AGBL4: variants seen among roughly 807,000 people sequenced by gnomAD.
AGBL4 encodes cytosolic carboxypeptidase 6.
Under a neutral mutation model 66.4 loss-of-function variants are expected in AGBL4, and 58 were observed. The observed-to-expected ratio is 0.87, with a 90% confidence interval of 0.71 to 1.09. The LOEUF is 1.09. Among genes scored for constraint, AGBL4 ranks in the 50% least tolerant of loss-of-function variants. AGBL4 has a pLI of 0.00. For synonymous variants in AGBL4, 234 were observed against 222.9 expected (o/e 1.05, Z -0.44); for missense variants, 579 against 631.0 (o/e 0.92, Z 0.88).
chr1:49,950,735 G>A (rs1656082243), intron 1 of AGBL4, among the ~76,000 whole-genome samples: 1 of 151,572 alleles, frequency 6.6e-6, no homozygotes, highest in African/African-American at 2.4e-5. Flanking sequence ...CCCTGGCAAG[G>A]GTATCCAAAA....
At chr1:49,968,918 A>G (rs1329732312) in intron 1 of AGBL4, among the ~76,000 whole-genome samples, 1 of 152,228 alleles carries the variant, frequency 6.6e-6, no homozygotes, top group Non-Finnish European at 1.5e-5. Flanking sequence ...ATTAGAGAGA[A>G]ATAAATGTGT....
intron 1 of AGBL4, among the ~76,000 whole-genome samples, chr1:49,859,787 A>G (rs1201830077): frequency 6.6e-6 from 1 of 152,106 alleles, no homozygotes; most frequent in African/African-American, 2.4e-5. Context: ...AAAGAAATTA[A>G]AGCTGTACAT....
intron 3 of AGBL4, among the ~76,000 whole-genome samples, chr1:49,588,990 T>C (rs1234158647): frequency 6.6e-6 from 1 of 152,136 alleles, no homozygotes; most frequent in Non-Finnish European, 1.5e-5. Context: ...GGATGCAAGG[T>C]AAATTCTAGT....
intron 9 of AGBL4, among the ~76,000 whole-genome samples, chr1:48,620,606 C>A (rs1238322928): frequency 1.3e-5 from 2 of 152,070 alleles, no homozygotes; most frequent in African/African-American, 4.8e-5. Context: ...TTTCAATAAC[C>A]AGAGCTACAG....
At chr1:49,432,610 C>T (rs568425101) in intron 3 of AGBL4, among the ~76,000 whole-genome samples, 289 of 152,122 alleles carry the variant, frequency 1.9e-3, no homozygotes, top group Non-Finnish European at 3.4e-3. Context: ...TCATACTATA[C>T]ATCTATTTTA....
chr1:49,149,815 A>C (rs1294577948), intron 4 of AGBL4, among the ~76,000 whole-genome samples: 1 of 152,220 alleles, frequency 6.6e-6, no homozygotes, highest in African/African-American at 2.4e-5. Context: ...AAAGCCATGC[A>C]TTGTGAGTAA....
chr1:48,573,321 G>C (rs975522149), intron 11 of AGBL4, among the ~76,000 whole-genome samples: 70 of 152,220 alleles, frequency 4.6e-4, no homozygotes, highest in African/African-American at 1.6e-3. Flanking sequence ...TGAAGTGTCA[G>C]CTGTCTACAT....
intron 3 of AGBL4, among the ~76,000 whole-genome samples, chr1:49,266,631 G>A (rs879862718): frequency 8.7e-5 from 9 of 103,974 alleles, no homozygotes; most frequent in South Asian, 5.8e-4. Context: ...ACACACACAC[G>A]CGAAGGTAGA....
At chr1:49,735,290 T>G (rs1341874008) in intron 2 of AGBL4, among the ~76,000 whole-genome samples, 2 of 111,508 alleles carry the variant, frequency 1.8e-5, no homozygotes, top group Non-Finnish European at 3.4e-5. Flanking sequence ...GAGGTAGAGG[T>G]GTGTGGGTGT....
chr1:49,965,911 A>T (rs944176139), intron 1 of AGBL4, among the ~76,000 whole-genome samples: 5 of 151,992 alleles, frequency 3.3e-5, no homozygotes, highest in Non-Finnish European at 7.4e-5. Context: ...TAATAATTCA[A>T]CCAGAGCCCC....
intron 2 of AGBL4, among the ~76,000 whole-genome samples, chr1:49,774,785 CTGT>C (rs983802679): frequency 8.5e-5 from 13 of 152,110 alleles, no homozygotes; most frequent in Non-Finnish European, 2.9e-5. Context: ...TTCTCATTAA[CTGT>C]TGTTAAGAGT....
intron 11 of AGBL4, among the ~76,000 whole-genome samples, chr1:48,556,598 A>G (rs1193313264): frequency 6.6e-6 from 1 of 152,100 alleles, no homozygotes; most frequent in Non-Finnish European, 1.5e-5. Flanking sequence ...GCCTCTAAAT[A>G]ACTCCTACTA....
At chr1:49,861,190 G>T (rs1449794997) in intron 1 of AGBL4, among the ~76,000 whole-genome samples, 1 of 152,096 alleles carries the variant, frequency 6.6e-6, no homozygotes, top group African/African-American at 2.4e-5. Flanking sequence ...AAACTTCAAA[G>T]GCAGTCTAGG....
intron 2 of AGBL4, among the ~76,000 whole-genome samples, chr1:49,835,889 G>A (rs1571678309): frequency 6.6e-6 from 1 of 152,276 alleles, no homozygotes; most frequent in East Asian, 1.9e-4. Context: ...TAAGAATGTT[G>A]AATATTGGCC....
chr1:49,553,936 T>C (rs1653182985), intron 3 of AGBL4, among the ~76,000 whole-genome samples: 1 of 152,184 alleles, frequency 6.6e-6, no homozygotes, highest in Admixed American at 6.5e-5. Flanking sequence ...GCAGGAGTTC[T>C]AGAGCAGACT....
intron 3 of AGBL4, among the ~76,000 whole-genome samples, chr1:49,534,171 C>CAAAAAAAAAAAA (rs71059553): frequency 3.0e-5 from 2 of 67,062 alleles, no homozygotes; most frequent in Admixed American, 2.3e-4. Context: ...CACCATTTTA[C>CAAAAAAAAAAAA]AAAAAAAAAA....
chr1:49,444,685 C>T (rs1646113231), intron 3 of AGBL4, among the ~76,000 whole-genome samples: 1 of 151,978 alleles, frequency 6.6e-6, no homozygotes, highest in Non-Finnish European at 1.5e-5. Context: ...AAATGAGTTT[C>T]CTGTAAGCAG....
intron 4 of AGBL4, among the ~76,000 whole-genome samples, chr1:49,231,202 C>T (rs988536548): frequency 3.4e-4 from 52 of 152,124 alleles, no homozygotes; most frequent in African/African-American, 1.2e-3. Flanking sequence ...AACAAAGCCT[C>T]AGGAAAGTTA....
At chr1:49,104,518 A>T (rs1337537233) in intron 4 of AGBL4, among the ~76,000 whole-genome samples, 1 of 152,116 alleles carries the variant, frequency 6.6e-6, no homozygotes, top group Non-Finnish European at 1.5e-5. Flanking sequence ...TTCTTGGATT[A>T]CTTATTTCCA....
Sources: allele counts gnomAD v4.1 joint callset (sites outside exome capture counted in the v4.1 genomes callset), GRCh38; gene constraint gnomAD v4.1.1; transcripts MANE v1.5; gene names NCBI Gene and HGNC (gene_info 2026-07-23, HGNC 2026-07-21).